The following RC3H1 variants were observed in gnomAD, a reference collection of about 807,000 sequenced individuals.
RC3H1 encodes the protein roquin-1.
A neutral mutation model predicts 138.2 loss-of-function variants in RC3H1; 50 were observed. That is an observed-to-expected ratio of 0.36 (90% CI 0.29 to 0.46). The LOEUF (loss-of-function observed/expected upper bound fraction) is 0.46. Among genes scored for constraint, RC3H1 ranks in the 20% least tolerant of loss-of-function variants. RC3H1 has a pLI of 1.00. For missense variants in RC3H1, 1,031 were observed against 1,388.1 expected, an observed-to-expected ratio of 0.74 and a Z score of 4.09; for synonymous variants, 462 against 489.1, an observed-to-expected ratio of 0.94 and a Z score of 0.73.
chr1:174,012,660 T>C (rs1390324421), intron 1 of RC3H1, among the ~76,000 whole-genome samples: 1 of 151,808 alleles, frequency 6.6e-6, no homozygotes. Flanking sequence ...GGCGGGCGCC[T>C]GTAGTCCCAG....
chr1:173,941,596 ATGCCT>A, intron 18 of RC3H1: 2 of 431,192 alleles, frequency 4.6e-6, no homozygotes. Context: ...AAGACAGACA[ATGCCT>A]CAAGCTAACA....
chr1:173,945,792 C>T (rs1659109015), intron 17 of RC3H1, among the ~76,000 whole-genome samples: 1 of 151,920 alleles, frequency 6.6e-6, no homozygotes, highest in Admixed American at 6.5e-5. Flanking sequence ...ACTGCAACCT[C>T]TGCTTCCTGG....
chr1:173,989,851 C>T (rs1661196694), intron 2 of RC3H1, among the ~76,000 whole-genome samples: 1 of 150,164 alleles, frequency 6.7e-6, no homozygotes, highest in Admixed American at 6.6e-5. Flanking sequence ...CTCAGCCTCC[C>T]GAGTAGCTGG....
At chr1:173,993,497 G>A (rs1269139108) in intron 1 of RC3H1, among the ~76,000 whole-genome samples, 5 of 151,100 alleles carry the variant, frequency 3.3e-5, no homozygotes, top group South Asian at 2.1e-4. Flanking sequence ...GGGTTCAAGC[G>A]ATTGTCCTGC....
chr1:174,000,637 T>C (rs1661546594), intron 1 of RC3H1, among the ~76,000 whole-genome samples: 1 of 152,174 alleles, frequency 6.6e-6, no homozygotes, highest in Admixed American at 6.5e-5. Context: ...TGAGATGAGA[T>C]TTTAACTCAT....
At chr1:173,942,508 A>C (rs368587784) in intron 18 of RC3H1, among the ~76,000 whole-genome samples, 6 of 151,532 alleles carry the variant, frequency 4.0e-5, no homozygotes, top group East Asian at 1.9e-4. Flanking sequence ...AGCAAAAAAA[A>C]CCTGCATGCT....
intron 14 of RC3H1, among the ~76,000 whole-genome samples, chr1:173,950,420 C>CAAAAAAAAAA (rs60259705): frequency 9.4e-5 from 6 of 63,660 alleles, no homozygotes; most frequent in African/African-American, 1.4e-4. Context: ...TCATCTCTAC[C>CAAAAAAAAAA]AAAAAAAAAA....
At chr1:173,972,966 A>C (rs561302481) in intron 7 of RC3H1, among the ~76,000 whole-genome samples, 2 of 152,226 alleles carry the variant, frequency 1.3e-5, no homozygotes, top group Non-Finnish European at 2.9e-5. Context: ...CCCTCATCTA[A>C]GAGTATGGTT....
At chr1:173,944,030 C>T (rs1659024987) in intron 17 of RC3H1, among the ~76,000 whole-genome samples, 2 of 151,740 alleles carry the variant, frequency 1.3e-5, no homozygotes, top group Non-Finnish European at 2.9e-5. Context: ...AAAAATTAGC[C>T]TGGGATGGTG....
chr1:174,017,289 A>G (rs550698285), intron 1 of RC3H1, among the ~76,000 whole-genome samples: 2 of 152,348 alleles, frequency 1.3e-5, no homozygotes, highest in African/African-American at 4.8e-5. Flanking sequence ...CAATGAAGAA[A>G]TACAAATGAG....
chr1:173,980,871 A>G lies in RC3H1; in HGVS notation c.907T>C (p.Trp303Arg), dbSNP rs1264261089. ...EAGLRIAPDQWSSLLYGDQSH... is the reference protein window; with the variant it reads ...EAGLRIAPDQRSSLLYGDQSH... The stretch of plus-strand genomic sequence containing the variant: ...TGGTCTCCATAAAGCAAAGAGGACC[A>G]CTGGTCCGGTGCAATTCGTAAGCCT... Residue 303 changes from tryptophan to arginine, a missense_variant, in exon 6 of 20, where the codon TGG becomes CGG. Physicochemically the swap from Trp to Arg is moderately radical, Grantham distance 101 (BLOSUM62 -3). Around this residue, in one of 7 missense-constraint regions of RC3H1, gnomAD observed 142 missense variants for 224.6 expected, o/e 0.63. Transcript: ENST00000367696. 6.2e-7 allele frequency: 1 copy of G among 1,614,188 alleles called. No homozygotes were observed.
chr1:173,974,277 CAAAAAAAAAAAAAAA>C (rs571801899), intron 7 of RC3H1, among the ~76,000 whole-genome samples: 9 of 47,194 alleles, frequency 1.9e-4, no homozygotes, highest in African/African-American at 2.5e-4. Context: ...GAGACTGTCT[CAAAAAAAAAAAAAAA>C]AAAAAAAAAA....
At chr1:173,987,574 T>C (rs1219680967) in intron 2 of RC3H1, among the ~76,000 whole-genome samples, 3 of 152,188 alleles carry the variant, frequency 2.0e-5, no homozygotes, top group Non-Finnish European at 4.4e-5. Context: ...AGTCTTAGAA[T>C]TAGCCATTTC....
At chr1:174,017,810 A>AAAAAAC (rs1661889930) in intron 1 of RC3H1, among the ~76,000 whole-genome samples, 2 of 146,126 alleles carry the variant, frequency 1.4e-5, no homozygotes, top group African/African-American at 5.1e-5. Context: ...AAAAAAAAAA[A>AAAAAAC]CTGCTACCAT....
At chr1:173,960,761 A>G (rs12063296) in intron 13 of RC3H1, among the ~76,000 whole-genome samples, 7,910 of 152,274 alleles carry the variant, frequency 0.052, 665 homozygotes, top group African/African-American at 0.18. Flanking sequence ...ACTGACGGAA[A>G]AGAATAGGGT....
rs572773304 is a variant in RC3H1, at chr1:174,017,542, G to A, written c.-151+4554C>T. On this transcript the variant is annotated intron_variant, in intron 1 of 19. Coordinates refer to ENST00000367696, the MANE Select transcript of RC3H1 (RefSeq NM_172071.4). ...AATTAGAGACAGAAAGCAGAATGGC[G>A]TTTGCTAGGGATTAGGGAAGAGGGG... Among the ~76,000 whole-genome samples the A allele has an allele frequency of 3.9e-5, 6 of 152,186 alleles. No homozygotes were observed. The East Asian group carries it at 5.8e-4, about 15-fold the overall frequency.
At position 173,935,710 on chromosome 1, in the gene RC3H1, AG is replaced by A. The variant is rs1413491116; in HGVS notation, c.*3010del. On this transcript the variant is annotated 3_prime_UTR_variant, in exon 20 of 20. Coordinates refer to ENST00000367696, the MANE Select transcript of RC3H1 (RefSeq NM_172071.4). ...TCATGATATCACAGAGAAAAGGAAA[AG>A]GAAAAAAAGCAAAAAACAAAAAACA... 1.3e-5 allele frequency: 2 copies of A among 152,234 alleles called. No individual in the cohort carries two copies. The highest frequency in any genetic ancestry group is 2.9e-5 in the Non-Finnish European group (2 of 68,036). 9.4% of individuals were successfully genotyped at this position (152,234 alleles called of 1,614,324 possible).
At chr1:173,980,315 A>G (rs925222657) in intron 6 of RC3H1, among the ~76,000 whole-genome samples, 4 of 151,116 alleles carry the variant, frequency 2.6e-5, no homozygotes, top group East Asian at 1.9e-4. Context: ...AGTGTACTCT[A>G]CACTGAGAAT....
intron 13 of RC3H1, 64 bp from the exon 14 acceptor site, chr1:173,952,202 G>A: frequency 1.7e-6 from 2 of 1,207,774 alleles, no homozygotes; most frequent in South Asian, 1.9e-5. Context: ...ACAGGAAATG[G>A]GTCTATGAGT....
Sources: allele counts gnomAD v4.1 joint callset (sites outside exome capture counted in the v4.1 genomes callset), GRCh38; gene constraint gnomAD v4.1.1; regional missense constraint gnomAD v4.1.1; transcripts MANE v1.5; gene names NCBI Gene and HGNC (gene_info 2026-07-23, HGNC 2026-07-21).